The following ROBO2 variants were observed in gnomAD, a reference collection of about 807,000 sequenced individuals.
ROBO2 encodes the protein roundabout guidance receptor 2, also known as roundabout homolog 2.
In ROBO2, 53 loss-of-function variants were observed where a neutral mutation model predicts 160.8. The ratio of observed to expected loss-of-function variants is 0.33; its 90% CI spans 0.26 to 0.41. The LOEUF (loss-of-function observed/expected upper bound fraction) is 0.41. Among genes scored for constraint, ROBO2 ranks in the 10% least tolerant of loss-of-function variants. The probability of loss-of-function intolerance (pLI) is 1.00; values close to 1 mark genes in which losing one functional copy is unlikely to be tolerated. For missense variants in ROBO2, 1,577 were observed against 1,722.4 expected (o/e 0.92, Z 1.49); for synonymous variants, 664 against 611.7 (o/e 1.09, Z -1.26).
intron 2 of ROBO2, among the ~76,000 whole-genome samples, chr3:76,746,103 G>A (rs889556977): frequency 2.2e-4 from 33 of 151,214 alleles, no homozygotes; most frequent in Non-Finnish European, 2.8e-4. Flanking sequence ...TTGTTCTTGC[G>A]ATAGTTTACT....
intron 2 of ROBO2, among the ~76,000 whole-genome samples, chr3:76,715,683 C>A (rs1206134129): frequency 1.3e-5 from 2 of 152,108 alleles, no homozygotes; most frequent in Non-Finnish European, 2.9e-5. Context: ...TGAAAGAAAC[C>A]AAAATCTATA....
chr3:77,134,864 G>T (rs765548315), intron 2 of ROBO2, among the ~76,000 whole-genome samples: 1 of 152,282 alleles, frequency 6.6e-6, no homozygotes, highest in East Asian at 1.9e-4. Context: ...CACTCTACTC[G>T]ATTAAGAGAA....
chr3:76,450,348 G>T (rs892799096), intron 2 of ROBO2, among the ~76,000 whole-genome samples: 6 of 152,062 alleles, frequency 3.9e-5, no homozygotes, highest in African/African-American at 1.4e-4. Context: ...ACTTTAACTT[G>T]TATAACTAAT....
chr3:75,945,280 G>T (rs1238975376), intron 2 of ROBO2, among the ~76,000 whole-genome samples: 1 of 152,080 alleles, frequency 6.6e-6, no homozygotes, highest in Non-Finnish European at 1.5e-5. Flanking sequence ...TATTTTGATA[G>T]GGTAATTTTT....
At chr3:77,291,251 G>T (rs546914597) in intron 2 of ROBO2, among the ~76,000 whole-genome samples, 3 of 151,996 alleles carry the variant, frequency 2.0e-5, no homozygotes, top group East Asian at 3.9e-4. Flanking sequence ...AAAATTGACG[G>T]TTAAACGGGT....
chr3:76,941,425 A>G (rs1021827684), intron 2 of ROBO2, among the ~76,000 whole-genome samples: 1 of 152,040 alleles, frequency 6.6e-6, no homozygotes, highest in African/African-American at 2.4e-5. Flanking sequence ...CTTCACCTAG[A>G]CTCACAAGGT....
chr3:77,022,472 C>A (rs2062699289), intron 2 of ROBO2, among the ~76,000 whole-genome samples: 1 of 152,196 alleles, frequency 6.6e-6, no homozygotes, highest in Non-Finnish European at 1.5e-5. Flanking sequence ...TATTAAGACA[C>A]TGGCTTTCCC....
At chr3:76,102,716 A>T (rs73114813) in intron 2 of ROBO2, among the ~76,000 whole-genome samples, 5,684 of 152,284 alleles carry the variant, frequency 0.037, 146 homozygotes, top group Non-Finnish European at 0.062. Context: ...TTCAATGTTG[A>T]TGAATGAACT....
intron 2 of ROBO2, among the ~76,000 whole-genome samples, chr3:77,197,513 T>G (rs566773703): frequency 6.6e-6 from 1 of 152,296 alleles, no homozygotes; most frequent in South Asian, 2.1e-4. Context: ...GTCCTGTTGG[T>G]TCTAGTGAAG....
chr3:76,802,451 G>A (rs1337132693), intron 2 of ROBO2, among the ~76,000 whole-genome samples: 5 of 151,938 alleles, frequency 3.3e-5, no homozygotes, highest in East Asian at 1.9e-4. Flanking sequence ...TTCAGAGGCC[G>A]GGCGCGGTGG....
At position 76,696,209 on chromosome 3, in the gene ROBO2, C is replaced by G. The variant is rs184068570; in HGVS notation, c.110-401805C>G. Among the ~76,000 whole-genome samples, 388 of 152,230 alleles carry G rather than the reference C, an allele frequency of 2.5e-3. 1 individual carries two copies. Among genetic ancestry groups the G allele is most frequent in the African/African-American group, 8.8e-3 (367 of 41,520 alleles). On this transcript the variant is annotated intron_variant, in intron 2 of 26. Coordinates refer to the ROBO2 transcript ENST00000487694. ...TTGTAATGGAGCAGGAACGTCGTAG[C>G]GAGTCTAGCCTCCCCAGATTTGTAA...
chr3:76,901,730 T>C (rs2075251244), intron 2 of ROBO2, among the ~76,000 whole-genome samples: 1 of 152,082 alleles, frequency 6.6e-6, no homozygotes, highest in Admixed American at 6.6e-5. Context: ...GAACAATGGA[T>C]ATTTTCTTGT....
At chr3:77,037,599 A>AAAG (rs1300587745), upstream of ROBO2, among the ~76,000 whole-genome samples, 1 of 152,168 alleles carries the variant, frequency 6.6e-6, no homozygotes, top group Non-Finnish European at 1.5e-5. Context: ...TTTCTGCCCT[A>AAAG]AAGGACCATG....
At chr3:76,238,887 G>T (rs990410291) in intron 2 of ROBO2, among the ~76,000 whole-genome samples, 7 of 152,206 alleles carry the variant, frequency 4.6e-5, no homozygotes, top group African/African-American at 1.7e-4. Context: ...CTCACTTCCT[G>T]CTTTTAGAGA....
intron 18 of ROBO2, among the ~76,000 whole-genome samples, chr3:77,595,872 A>G (rs1190598344): frequency 6.6e-6 from 1 of 152,154 alleles, no homozygotes; most frequent in Non-Finnish European, 1.5e-5. Flanking sequence ...GGGTCTATCA[A>G]AAGAAAAGTG....
intron 2 of ROBO2, among the ~76,000 whole-genome samples, chr3:77,274,908 A>G (rs968904397): frequency 2.0e-5 from 3 of 152,140 alleles, no homozygotes; most frequent in African/African-American, 7.2e-5. Context: ...TAAAATTAAA[A>G]AACAGATATC....
chr3:77,166,282 GAAAA>G (rs1332529960), intron 2 of ROBO2, among the ~76,000 whole-genome samples: 1 of 151,692 alleles, frequency 6.6e-6, no homozygotes, highest in Non-Finnish European at 1.5e-5. Flanking sequence ...AGAAAAAAAA[GAAAA>G]AAGAAAGAAA....
At chr3:76,119,872 CCTT>C in intron 2 of ROBO2, among the ~76,000 whole-genome samples, 2 of 141,554 alleles carry the variant, frequency 1.4e-5, no homozygotes, top group Admixed American at 1.4e-4. Flanking sequence ...CCCTCCCCTT[CCTT>C]CCCTTCCTTC....
At chr3:76,194,662 C>G (rs1702176280) in intron 2 of ROBO2, among the ~76,000 whole-genome samples, 2 of 151,356 alleles carry the variant, frequency 1.3e-5, no homozygotes. Flanking sequence ...GCTCTGTTAC[C>G]AGGCTGGAGT....
Sources: gnomAD v4.1 joint callset for allele counts (sites outside exome capture counted in the v4.1 genomes callset) on GRCh38, gnomAD v4.1.1 for gene constraint, MANE v1.5 for transcripts, NCBI Gene and HGNC (gene_info 2026-07-23, HGNC 2026-07-21) for gene names.